The following SLC9B2 variants were observed in gnomAD, a reference collection of about 807,000 sequenced individuals.
SLC9B2 encodes solute carrier family 9 member B2, also known as sodium/hydrogen exchanger 9B2.
Under a neutral mutation model 52.2 loss-of-function variants are expected in SLC9B2, and 39 were observed. The observed-to-expected ratio is 0.75, with a 90% CI of 0.58 to 0.98. SLC9B2 has a LOEUF of 0.98. SLC9B2 is among the 50% of genes least tolerant of loss of function. The probability of loss-of-function intolerance (pLI) is 0.00; values close to 1 mark genes in which losing one functional copy is unlikely to be tolerated. For missense variants in SLC9B2, 626 were observed against 637.5 expected (o/e 0.98, Z 0.19); for synonymous variants, 214 against 227.0 (o/e 0.94, Z 0.51).
At chr4:103,019,560 A>T, downstream of SLC9B2, 1 of 984,834 alleles carries the variant, frequency 1.0e-6, no homozygotes. Flanking sequence ...CTAGCGCCAA[A>T]GGGCTTGGAA....
At chr4:103,038,294 A>C (rs913193110) in intron 9 of SLC9B2, among the ~76,000 whole-genome samples, 2 of 152,234 alleles carry the variant, frequency 1.3e-5, no homozygotes, top group African/African-American at 4.8e-5. Context: ...TATACTCAGA[A>C]TACAAATGAA....
rs72943519 is a variant in SLC9B2, at chr4:103,028,946, T to C, written c.1256-63A>G. The C allele has an allele frequency of 2.9e-3, 3,930 of 1,338,560 alleles. 39 individuals are homozygous for C. The African/African-American group carries it at 0.032, about 11-fold the overall frequency. 82.9% of individuals were successfully genotyped at this position (1,338,560 alleles called of 1,614,324 possible). A position where few individuals can be genotyped will look rare whatever the true frequency, so the allele number is the denominator to read the frequency against. Reference sequence around the variant, plus strand: ...CTAGGAGAGAAACTGCATCTCATGGTTACTAATTCAAAATAACCATCAACA... The same window carrying C: ...CTAGGAGAGAAACTGCATCTCATGGCTACTAATTCAAAATAACCATCAACA... On this transcript the variant is annotated intron_variant, in intron 10 of 11. Coordinates refer to ENST00000394785, the MANE Select transcript of SLC9B2 (RefSeq NM_178833.7).
At chr4:103,046,903 C>A in intron 7 of SLC9B2, 148 bp downstream of exon 7, 1 of 886,150 alleles carries the variant, frequency 1.1e-6, no homozygotes, top group South Asian at 2.0e-5. Context: ...AGCTTCTGGA[C>A]CCTCCTTAGG....
At chr4:103,040,304 AAGT>A (rs991867188) in intron 9 of SLC9B2, among the ~76,000 whole-genome samples, 1 of 152,244 alleles carries the variant, frequency 6.6e-6, no homozygotes, top group African/African-American at 2.4e-5. Flanking sequence ...ATAGTAATGA[AAGT>A]AGAAGGACTA....
At chr4:103,061,682 T>C (rs1355558322) in intron 3 of SLC9B2, among the ~76,000 whole-genome samples, 1 of 152,180 alleles carries the variant, frequency 6.6e-6, no homozygotes, top group Middle Eastern at 3.2e-3. Context: ...AAAAGTTCCC[T>C]GAGGTTTGGT....
chr4:103,075,387 T>A (rs915910358), intron 1 of SLC9B2, among the ~76,000 whole-genome samples: 1 of 152,170 alleles, frequency 6.6e-6, no homozygotes, highest in Non-Finnish European at 1.5e-5. Context: ...TGACCTCAGG[T>A]GATATGCCCA....
chr4:103,076,480 C>A lies in SLC9B2; in HGVS notation c.-339G>T, dbSNP rs1299669623. On this transcript the variant is annotated 5_prime_UTR_variant, in exon 1 of 12. Coordinates refer to ENST00000394785, the MANE Select transcript of SLC9B2 (RefSeq NM_178833.7). Reference sequence around the variant, plus strand: ...GCATGGGTTGGTCCGGGGCCCGCAGCGGCAGCCCCGTGTGCCCTCCGCCGG... The same window carrying A: ...GCATGGGTTGGTCCGGGGCCCGCAGAGGCAGCCCCGTGTGCCCTCCGCCGG... The A allele has an allele frequency of 1.3e-5, 2 of 152,236 alleles. No individual in the cohort carries two copies. The highest frequency in any genetic ancestry group is 1.3e-4 in the Admixed American group (2 of 15,288). The allele number at this position is 152,236 out of a possible 1,614,324, so 9.4% of individuals were successfully genotyped here. A position where few individuals can be genotyped will look rare whatever the true frequency, so the allele number is the denominator to read the frequency against.
intron 10 of SLC9B2, 49 bp downstream of exon 10, chr4:103,031,651 C>T (rs1475219072): frequency 7.5e-6 from 11 of 1,465,916 alleles, no homozygotes; most frequent in Non-Finnish European, 1.0e-5. Flanking sequence ...GGTGAGTAGG[C>T]TGACCAAAAA....
rs532321900 is a variant in SLC9B2, at chr4:103,046,437, ATAACT to A, written c.889+609_889+613del. ...GTGTTGAACAACAGTGGGAGAAAAA[ATAACT>A]TAAGTTCCTCTTTTACTATACTTGA... On this transcript the variant is annotated intron_variant, in intron 7 of 11. Transcript: ENST00000394785. 7.5e-3 allele frequency among the ~76,000 whole-genome samples: 1,147 copies of A among 152,296 alleles called. 6 individuals carry two copies. The highest frequency in any genetic ancestry group is 0.011 in the Non-Finnish European group (779 of 68,036).
At chr4:103,028,160 G>A (rs1311659103) in intron 11 of SLC9B2, among the ~76,000 whole-genome samples, 1 of 152,104 alleles carries the variant, frequency 6.6e-6, no homozygotes, top group Non-Finnish European at 1.5e-5. Context: ...TTATTAGAAT[G>A]CACAAATTTT....
chr4:103,057,452 C>T (rs544673135), intron 4 of SLC9B2, among the ~76,000 whole-genome samples: 68 of 151,828 alleles, frequency 4.5e-4, no homozygotes, highest in Admixed American at 2.8e-3. Flanking sequence ...TACAGGTGCA[C>T]GTCACCATGC....
chr4:103,051,256 T>G (rs567876397), intron 4 of SLC9B2, among the ~76,000 whole-genome samples: 3 of 152,338 alleles, frequency 2.0e-5, no homozygotes, highest in African/African-American at 7.2e-5. Context: ...TCTGCCTTCA[T>G]TGATACCACA....
At chr4:103,034,651 C>T (rs530883256) in intron 9 of SLC9B2, among the ~76,000 whole-genome samples, 6 of 152,208 alleles carry the variant, frequency 3.9e-5, no homozygotes, top group Non-Finnish European at 8.8e-5. Flanking sequence ...AGCACATGAA[C>T]GGACACTTCT....
In SLC9B2 at chr4:103,058,077, T is replaced by C. The variant is rs1316541597; in HGVS notation, c.272-106A>G. ...AATAAATACTGAATGAAAATGCAAA[T>C]ATTTATAATCATGTTTAATCTGTAA... is the stretch of plus-strand genomic sequence containing the variant. On this transcript the variant is annotated intron_variant, in intron 3 of 11. Coordinates refer to ENST00000394785, the MANE Select transcript of SLC9B2 (RefSeq NM_178833.7). 8.6e-6 allele frequency: 9 copies of C among 1,047,806 alleles called. No homozygotes were observed. In the African/African-American group the frequency reaches 1.3e-4, roughly 15 times the overall value. The allele number at this position is 1,047,806 out of a possible 1,614,324, so 64.9% of individuals were successfully genotyped here.
chr4:103,062,055 A>T (rs2110649030), intron 3 of SLC9B2, among the ~76,000 whole-genome samples: 1 of 152,370 alleles, frequency 6.6e-6, no homozygotes, highest in South Asian at 2.1e-4. Context: ...TTTGCCAGCT[A>T]TTATACTAAA....
At position 103,076,418 on chromosome 4, in the gene SLC9B2, G is replaced by T. The variant is rs1171945644; in HGVS notation, c.-277C>A. The T allele has an allele frequency of 9.2e-5, 14 of 152,300 alleles. No individual in the cohort carries two copies. Among genetic ancestry groups the T allele is most frequent in the African/African-American group, 2.9e-4 (12 of 41,462 alleles). 9.4% of individuals were successfully genotyped at this position (152,300 alleles called of 1,614,324 possible). A position where few individuals can be genotyped will look rare whatever the true frequency, so the allele number is the denominator to read the frequency against. ...CCGCTGGGCGACACCGCGCAGGGAGGTCCGACCCGTCGGCGCCGGTACAGG... is the reference window on the plus strand; with the variant it reads ...CCGCTGGGCGACACCGCGCAGGGAGTTCCGACCCGTCGGCGCCGGTACAGG... On this transcript the variant is annotated 5_prime_UTR_variant, in exon 1 of 12. Transcript: ENST00000394785.
At chr4:103,032,347 G>C (rs1297063514) in intron 9 of SLC9B2, among the ~76,000 whole-genome samples, 2 of 152,016 alleles carry the variant, frequency 1.3e-5, no homozygotes, top group Admixed American at 1.3e-4. Context: ...TACTGTTTAA[G>C]GTTATCTCAA....
At chr4:103,063,439 A>G (rs537839791) in intron 3 of SLC9B2, among the ~76,000 whole-genome samples, 1 of 152,350 alleles carries the variant, frequency 6.6e-6, no homozygotes, top group African/African-American at 2.4e-5. Context: ...CCCACAAAGT[A>G]TAACTATGGA....
chr4:103,024,152 G>A lies in SLC9B2; in HGVS notation c.*2218C>T, dbSNP rs879465716. Among the ~76,000 whole-genome samples, 6 of 152,098 alleles carry A rather than the reference G, an allele frequency of 3.9e-5. No individual in the cohort carries two copies. The highest frequency in any genetic ancestry group is 7.4e-5 in the Non-Finnish European group (5 of 68,024). On this transcript the variant is annotated 3_prime_UTR_variant, in exon 12 of 12. Transcript: ENST00000394785. ...TTGTTTTGCAATGTCTTGTTTAACT[G>A]TCTGTTTTCTCTATTGGACTGTTAA...
Sources: allele counts gnomAD v4.1 joint callset (sites outside exome capture counted in the v4.1 genomes callset), GRCh38; gene constraint gnomAD v4.1.1; transcripts MANE v1.5; gene names NCBI Gene and HGNC (gene_info 2026-07-23, HGNC 2026-07-21).